The following STAG1 variants were observed in gnomAD, a reference collection of about 807,000 sequenced individuals.
STAG1 encodes STAG1 cohesin complex component.
STAG1 carries 26 observed loss-of-function variants against 170.9 expected under a neutral mutation model. The observed-to-expected ratio is 0.15, with a 90% CI of 0.11 to 0.21. STAG1 has a LOEUF of 0.21. Among genes scored for constraint, STAG1 ranks in the 10% least tolerant of loss-of-function variants. The probability of loss-of-function intolerance (pLI) is 1.00; values close to 1 mark genes in which losing one functional copy is unlikely to be tolerated. For synonymous variants in STAG1, 514 were observed against 497.7 expected, an observed-to-expected ratio of 1.03 and a Z score of -0.44; for missense variants, 964 against 1,509.5, an observed-to-expected ratio of 0.64 and a Z score of 5.99.
At chr3:136,685,395 C>A (rs2107891508) in intron 1 of STAG1, among the ~76,000 whole-genome samples, 1 of 152,162 alleles carries the variant, frequency 6.6e-6, no homozygotes, top group South Asian at 2.1e-4. Flanking sequence ...ATGAGCCAGA[C>A]CTTAAACAGA....
At position 136,533,352 on chromosome 3, in the gene STAG1, G is replaced by A. The variant is rs150756178; in HGVS notation, c.471+8767C>T. Among the ~76,000 whole-genome samples the A allele has an allele frequency of 1.5e-4, 23 of 152,128 alleles. 1 individual carries two copies. In the South Asian group the frequency reaches 4.0e-3, roughly 26 times the overall value. ...GAATTTTTTCTTTAAAAAAAGGTTGGTAAAATGACTGTGTCGCCTTTTTTT... is the reference window on the plus strand; with the variant it reads ...GAATTTTTTCTTTAAAAAAAGGTTGATAAAATGACTGTGTCGCCTTTTTTT... On this transcript the variant is annotated intron_variant, in intron 6 of 33. Transcript: ENST00000383202.
At position 136,595,688 on chromosome 3, in the gene STAG1, A is replaced by C. The variant is rs201909506; in HGVS notation, c.297+8621T>G. Among the ~76,000 whole-genome samples the C allele has an allele frequency of 7.7e-3, 690 of 89,334 alleles. 9 individuals carry two copies. The highest frequency in any genetic ancestry group is 0.06 in the East Asian group (221 of 3,706). 58.6% of individuals were successfully genotyped at this position (89,334 alleles called of 152,430 possible). On this transcript the variant is annotated intron_variant, in intron 4 of 33. Coordinates refer to ENST00000383202, the MANE Select transcript of STAG1 (RefSeq NM_005862.3). ...CAAGACTCCATCTCAATAAATAAAT[A>C]AATAAATAAATAAATAAATAAATAA...
At chr3:136,693,228 A>C (rs1038637408) in intron 1 of STAG1, among the ~76,000 whole-genome samples, 1 of 152,212 alleles carries the variant, frequency 6.6e-6, no homozygotes, top group African/African-American at 2.4e-5. Context: ...AAAGGTTGTC[A>C]ATGGTTTATT....
intron 4 of STAG1, among the ~76,000 whole-genome samples, chr3:136,600,867 TTTGTTTTGTTTTG>T (rs955170498): frequency 0.023 from 16 of 702 alleles, no homozygotes; most frequent in African/African-American, 0.09. Flanking sequence ...TGTTTGTTTG[TTTGTTTTGTTTTG>T]TTTTGTTTTG....
intron 28 of STAG1, among the ~76,000 whole-genome samples, chr3:136,355,181 C>T (rs979422333): frequency 3.3e-5 from 5 of 151,166 alleles, no homozygotes; most frequent in Admixed American, 2.0e-4. Flanking sequence ...GGTGAAACCC[C>T]ATCTCTAATA....
intron 1 of STAG1, among the ~76,000 whole-genome samples, chr3:136,636,408 G>GT (rs1200175043): frequency 6.6e-6 from 1 of 152,146 alleles, no homozygotes; most frequent in Non-Finnish European, 1.5e-5. Context: ...AACAGTTTCT[G>GT]TAAGTGGTAC....
chr3:136,637,447 T>C (rs543398620), intron 1 of STAG1, among the ~76,000 whole-genome samples: 15 of 152,346 alleles, frequency 9.8e-5, no homozygotes, highest in Admixed American at 9.8e-4. Context: ...CTCAATGGGA[T>C]AGCGATGAGG....
intron 3 of STAG1, among the ~76,000 whole-genome samples, chr3:136,621,990 T>TG (rs1190336989): frequency 2.3e-5 from 2 of 87,322 alleles, no homozygotes; most frequent in African/African-American, 4.1e-5. Context: ...TGTGGTGGTG[T>TG]GGAAAAAAAA....
chr3:136,491,954 C>G (rs940198338), intron 9 of STAG1, among the ~76,000 whole-genome samples: 13 of 152,192 alleles, frequency 8.5e-5, no homozygotes, highest in Admixed American at 6.5e-4. Flanking sequence ...GATCACGCTG[C>G]TGCACTCCAG....
At chr3:136,639,865 T>C (rs1304723899) in intron 1 of STAG1, among the ~76,000 whole-genome samples, 2 of 152,218 alleles carry the variant, frequency 1.3e-5, no homozygotes, top group African/African-American at 4.8e-5. Context: ...CTATTTTCAA[T>C]TTCCTTTAAA....
chr3:136,674,681 C>T (rs1189987335), intron 1 of STAG1, among the ~76,000 whole-genome samples: 5 of 152,118 alleles, frequency 3.3e-5, no homozygotes, highest in Non-Finnish European at 7.4e-5. Context: ...AAATAAGTAT[C>T]CTGATTGTGG....
intron 16 of STAG1, among the ~76,000 whole-genome samples, chr3:136,430,806 GAC>G (rs35492621): frequency 0.12 from 15,245 of 130,876 alleles, 810 homozygotes; most frequent in Middle Eastern, 0.13. Flanking sequence ...GACATAGACA[GAC>G]ACACACACAC....
intron 1 of STAG1, among the ~76,000 whole-genome samples, chr3:136,722,581 G>A (rs896946200): frequency 2.6e-5 from 4 of 151,896 alleles, no homozygotes; most frequent in African/African-American, 9.7e-5. Flanking sequence ...GGGTAATGCT[G>A]AGGGTTCAAT....
chr3:136,567,697 C>A (rs1204851751), intron 5 of STAG1, among the ~76,000 whole-genome samples: 2 of 152,154 alleles, frequency 1.3e-5, no homozygotes, highest in Non-Finnish European at 2.9e-5. Flanking sequence ...ACTGTATGAT[C>A]TGGAATAAAT....
chr3:136,720,101 G>A (rs907769253), intron 1 of STAG1, among the ~76,000 whole-genome samples: 11 of 151,530 alleles, frequency 7.3e-5, no homozygotes, highest in African/African-American at 2.2e-4. Flanking sequence ...GCTTGAACTC[G>A]GGAGGCAGAG....
rs570624434 is a variant in STAG1, at chr3:136,360,924, T to C, written c.2788-1628A>G. On this transcript the variant is annotated intron_variant, in intron 26 of 33. Transcript: ENST00000383202. ...ATCTTGTGATCTGCCCGCCTCAGCC[T>C]CCCAAAGTGCTGGGATTACAGGCTG... 9.2e-5 allele frequency among the ~76,000 whole-genome samples: 14 copies of C among 152,288 alleles called. No homozygotes were observed. In the South Asian group the frequency reaches 2.9e-3, roughly 32 times the overall value.
intron 26 of STAG1, among the ~76,000 whole-genome samples, chr3:136,362,196 T>A (rs540843406): frequency 1.2e-4 from 18 of 148,806 alleles, no homozygotes; most frequent in Non-Finnish European, 2.2e-4. Flanking sequence ...TGACCTCAGG[T>A]GATCTACCCG....
intron 13 of STAG1, among the ~76,000 whole-genome samples, chr3:136,462,171 G>T (rs569833609): frequency 3.3e-5 from 5 of 152,134 alleles, no homozygotes; most frequent in African/African-American, 1.2e-4. Context: ...TCTACCATAT[G>T]ATCAAGCAAC....
intron 1 of STAG1, among the ~76,000 whole-genome samples, chr3:136,653,220 C>T (rs925004280): frequency 2.6e-5 from 4 of 151,076 alleles, no homozygotes; most frequent in African/African-American, 7.3e-5. Flanking sequence ...TGCGGTGAGC[C>T]GAGATCGTGC....
Sources: gnomAD v4.1 joint callset for allele counts (sites outside exome capture counted in the v4.1 genomes callset) on GRCh38, gnomAD v4.1.1 for gene constraint, MANE v1.5 for transcripts, NCBI Gene and HGNC (gene_info 2026-07-23, HGNC 2026-07-21) for gene names.